Variants in STX2 observed in about 807,000 individuals in gnomAD.
STX2 encodes syntaxin-2.
Under a neutral mutation model 40.6 loss-of-function variants are expected in STX2, and 27 were observed. The ratio of observed to expected loss-of-function variants is 0.66; its 90% confidence interval spans 0.49 to 0.92. The LOEUF is 0.92. Among genes scored for constraint, STX2 ranks in the 40% least tolerant of loss-of-function variants. STX2 has a pLI of 0.00. For missense variants in STX2, 328 were observed against 366.1 expected, an observed-to-expected ratio of 0.90 and a Z score of 0.85; for synonymous variants, 123 against 119.1, an observed-to-expected ratio of 1.03 and a Z score of -0.22.
chr12:130,797,530 G>A (rs1423942602), intron 9 of STX2, among the ~76,000 whole-genome samples: 1 of 152,136 alleles, frequency 6.6e-6, no homozygotes, highest in African/African-American at 2.4e-5. Context: ...GGCTGAGCCT[G>A]CAGCCCGGGG....
At position 130,839,186 on chromosome 12, in the gene STX2, A is replaced by G. The variant is rs1593204803; in HGVS notation, c.-87T>C. The G allele has an allele frequency of 7.4e-6, 8 of 1,085,352 alleles. No individual in the cohort carries two copies. In the South Asian group the frequency reaches 2.2e-4, roughly 30 times the overall value. The allele number at this position is 1,085,352 out of a possible 1,614,324, so 67.2% of individuals were successfully genotyped here. ...CCTCGGGCTCTCCGGTCTCCGCCTCAGGCCCCGCGGTCCCGGCCCGGCGCC... is the reference window on the plus strand; with the variant it reads ...CCTCGGGCTCTCCGGTCTCCGCCTCGGGCCCCGCGGTCCCGGCCCGGCGCC... On this transcript the variant is annotated 5_prime_UTR_variant, in exon 1 of 11. Coordinates refer to ENST00000392373, the MANE Select transcript of STX2 (RefSeq NM_194356.4).
chr12:130,816,482 C>T (rs774760920), intron 3 of STX2, among the ~76,000 whole-genome samples: 4 of 152,264 alleles, frequency 2.6e-5, no homozygotes, highest in South Asian at 2.1e-4. Context: ...AAGCTGCAGA[C>T]GCAGGCCATA....
chr12:130,805,664 A>G (rs1565910482), intron 6 of STX2, among the ~76,000 whole-genome samples: 1 of 152,202 alleles, frequency 6.6e-6, no homozygotes, highest in Non-Finnish European at 1.5e-5. Context: ...ACAGGCCCTC[A>G]AATAAAGCTG....
At chr12:130,816,141 G>A (rs1593159155) in intron 3 of STX2, among the ~76,000 whole-genome samples, 2 of 152,282 alleles carry the variant, frequency 1.3e-5, no homozygotes, top group African/African-American at 2.4e-5. Flanking sequence ...AAGCTAAAAC[G>A]TACACACAGC....
intron 3 of STX2, among the ~76,000 whole-genome samples, chr12:130,813,611 C>T (rs781559376): frequency 1.1e-4 from 17 of 152,134 alleles, no homozygotes; most frequent in Admixed American, 9.2e-4. Context: ...CCTCCTAACA[C>T]GGAGGGAGGC....
chr12:130,838,925 C>G lies in STX2; in HGVS notation c.30+145G>C, dbSNP rs1165343146. 6.7e-6 allele frequency: 6 copies of G among 898,490 alleles called. No individual in the cohort carries two copies. In the Admixed American group the frequency reaches 2.4e-4, roughly 36 times the overall value. The allele number at this position is 898,490 out of a possible 1,614,324, so 55.7% of individuals were successfully genotyped here. A position where few individuals can be genotyped will look rare whatever the true frequency, so the allele number is the denominator to read the frequency against. ...TCCCCGCTCAGGACTCCCTGAGACC[C>G]TGCCCGCAGCCCCCGCCCCAGAACG... On this transcript the variant is annotated intron_variant, in intron 1 of 10. Coordinates refer to ENST00000392373, the MANE Select transcript of STX2 (RefSeq NM_194356.4).
chr12:130,798,634 C>T lies in STX2; in HGVS notation c.677G>A (p.Gly226Asp). Residue 226 changes from glycine to aspartate, a missense_variant and splice_region_variant, in exon 9 of 11, where the codon GGT becomes GAT. Physicochemically the swap from Gly to Asp is moderately conservative, Grantham distance 94 (BLOSUM62 -1). Transcript: ENST00000392373. ...MDMAMFVETQ[G>D]EMINNIERNV... is the part of the protein sequence containing the mutation. ...TCTTTCTATGTTGTTGATCATTTCA[C>T]CCTTAAAACAAAAAGTTTCAAACTT... 6.3e-7 allele frequency: 1 copy of T among 1,579,990 alleles called. No individual in the cohort carries two copies. Among genetic ancestry groups the T allele is most frequent in the Non-Finnish European group, 8.6e-7 (1 of 1,168,746 alleles).
chr12:130,806,006 G>T (rs1164165118), intron 6 of STX2, among the ~76,000 whole-genome samples: 2 of 152,146 alleles, frequency 1.3e-5, no homozygotes, highest in Non-Finnish European at 2.9e-5. Flanking sequence ...AAAACACCCA[G>T]CAGAACTAGC....
chr12:130,801,634 A>G (rs916128459), intron 6 of STX2, 146 bp from the exon 7 acceptor site: 1 of 768,758 alleles, frequency 1.3e-6, no homozygotes, highest in African/African-American at 1.8e-5. Flanking sequence ...GATATTGACA[A>G]TGAGAAGTGA....
At chr12:130,830,725 C>T (rs1352113401) in intron 1 of STX2, among the ~76,000 whole-genome samples, 2 of 152,180 alleles carry the variant, frequency 1.3e-5, no homozygotes, top group Non-Finnish European at 2.9e-5. Context: ...ATCTTTTTGG[C>T]TTTATCCCTA....
chr12:130,822,450 C>A (rs1211113778), intron 2 of STX2, among the ~76,000 whole-genome samples: 1 of 151,954 alleles, frequency 6.6e-6, no homozygotes, highest in African/African-American at 2.4e-5. Flanking sequence ...TAATAATACT[C>A]TTATGGGAGG....
intron 3 of STX2, among the ~76,000 whole-genome samples, chr12:130,813,301 C>T (rs981349707): frequency 6.6e-6 from 1 of 152,216 alleles, no homozygotes; most frequent in Non-Finnish European, 1.5e-5. Flanking sequence ...AGTGGCCCAG[C>T]AATCTGAGTT....
intron 1 of STX2, among the ~76,000 whole-genome samples, chr12:130,837,741 T>G (rs1952794942): frequency 6.6e-6 from 1 of 152,180 alleles, no homozygotes; most frequent in Admixed American, 6.5e-5. Flanking sequence ...AATAAATACC[T>G]GAGCTCCTAC....
chr12:130,792,338 C>T (rs184455119), intron 10 of STX2, among the ~76,000 whole-genome samples: 113 of 152,322 alleles, frequency 7.4e-4, no homozygotes, highest in African/African-American at 2.6e-3. Context: ...GGATTACAGG[C>T]GTGAGGCACC....
At position 130,839,169 on chromosome 12, in the gene STX2, T is replaced by TCCGGTCTCCGCCTCAGGCC; in HGVS notation, c.-71_-70insGGCCTGAGGCGGAGACCGG. 8.9e-7 allele frequency: 1 copy of TCCGGTCTCCGCCTCAGGCC among 1,129,842 alleles called. No homozygotes were observed. The allele number at this position is 1,129,842 out of a possible 1,614,324, so 70.0% of individuals were successfully genotyped here. On this transcript the variant is annotated 5_prime_UTR_variant, in exon 1 of 11. Coordinates refer to ENST00000392373, the MANE Select transcript of STX2 (RefSeq NM_194356.4). The stretch of plus-strand genomic sequence containing the variant: ...AGCTGCCTCCGGCCGGGCCTCGGGC[T>TCCGGTCTCCGCCTCAGGCC]CTCCGGTCTCCGCCTCAGGCCCCGC...
At position 130,829,062 on chromosome 12, in the gene STX2, G is replaced by A. The variant is rs554854292; in HGVS notation, c.31-1795C>T. On this transcript the variant is annotated intron_variant, in intron 1 of 10. Coordinates refer to ENST00000392373, the MANE Select transcript of STX2 (RefSeq NM_194356.4). Reference sequence around the variant, plus strand: ...GGTCTGCAGGAGTCAGACCAGGTGCGTTATCTGTCAATCTTCCTGGTACCA... The same window carrying A: ...GGTCTGCAGGAGTCAGACCAGGTGCATTATCTGTCAATCTTCCTGGTACCA... Among the ~76,000 whole-genome samples, 11 of 152,074 alleles carry A rather than the reference G, an allele frequency of 7.2e-5. No homozygotes were observed. In the East Asian group the frequency reaches 1.5e-3, roughly 21 times the overall value.
At chr12:130,809,649 TCTA>T (rs1404862766) in intron 4 of STX2, among the ~76,000 whole-genome samples, 1 of 152,110 alleles carries the variant, frequency 6.6e-6, no homozygotes, top group Non-Finnish European at 1.5e-5. Context: ...AAACCCTGTC[TCTA>T]CTACAAATAC....
chr12:130,816,995 T>C (rs1356569693), intron 3 of STX2, among the ~76,000 whole-genome samples: 1 of 151,478 alleles, frequency 6.6e-6, no homozygotes, highest in Non-Finnish European at 1.5e-5. Context: ...CTGCCAGAAA[T>C]AAAAATAAAT....
At chr12:130,837,173 C>A (rs1952779093) in intron 1 of STX2, among the ~76,000 whole-genome samples, 1 of 150,730 alleles carries the variant, frequency 6.6e-6, no homozygotes, top group Non-Finnish European at 1.5e-5. Flanking sequence ...AGTGGCATGG[C>A]ACAATCATGG....
Sources: gnomAD v4.1 joint callset for allele counts (sites outside exome capture counted in the v4.1 genomes callset) on GRCh38, gnomAD v4.1.1 for gene constraint, MANE v1.5 for transcripts, NCBI Gene and HGNC (gene_info 2026-07-23, HGNC 2026-07-21) for gene names.